The following RBFOX1 variants were observed in gnomAD, a reference collection of about 807,000 sequenced individuals.
The protein encoded by RBFOX1 is RNA binding protein fox-1 homolog 1.
In RBFOX1, 8 loss-of-function variants were observed where a neutral mutation model predicts 57.7. That is an observed-to-expected ratio of 0.14 (90% confidence interval 0.08 to 0.25). The LOEUF (loss-of-function observed/expected upper bound fraction) is 0.25, where lower values mean the gene tolerates loss of function less well. Ranked by LOEUF, RBFOX1 falls within the 10% of genes least tolerant of loss-of-function variation. RBFOX1 has a pLI of 1.00. For synonymous variants in RBFOX1, 326 were observed against 222.4 expected, an observed-to-expected ratio of 1.47 and a Z score of -4.15; for missense variants, 611 against 548.5, an observed-to-expected ratio of 1.11 and a Z score of -1.14.
chr16:6,919,843 G>C (rs1468751949), intron 3 of RBFOX1, among the ~76,000 whole-genome samples: 1 of 139,354 alleles, frequency 7.2e-6, no homozygotes, highest in East Asian at 2.2e-4. Context: ...AAATGGTTAA[G>C]TTGCTGAGTG....
At chr16:6,758,920 G>T (rs1277529301) in intron 3 of RBFOX1, among the ~76,000 whole-genome samples, 1 of 152,040 alleles carries the variant, frequency 6.6e-6, no homozygotes, top group African/African-American at 2.4e-5. Context: ...GGGAGTCGGG[G>T]GGGAAAGAGT....
At chr16:7,477,492 T>C (rs1305371333) in intron 4 of RBFOX1, among the ~76,000 whole-genome samples, 1 of 152,102 alleles carries the variant, frequency 6.6e-6, no homozygotes, top group Non-Finnish European at 1.5e-5. Flanking sequence ...ATTCCTTGCC[T>C]CTCCCTTCTG....
chr16:6,705,476 G>C (rs2062573489), intron 3 of RBFOX1: 1 of 152,154 alleles, frequency 6.6e-6, no homozygotes. Flanking sequence ...CGTCAGTTTA[G>C]AGGTCCTGGA....
intron 2 of RBFOX1, among the ~76,000 whole-genome samples, chr16:6,608,180 T>C (rs1003682104): frequency 1.3e-5 from 2 of 152,220 alleles, no homozygotes; most frequent in African/African-American, 4.8e-5. Context: ...CTATTTTGAG[T>C]CTGTATCCTT....
chr16:5,909,182 T>A (rs1214007132), intron 4 of RBFOX1, among the ~76,000 whole-genome samples: 1 of 137,266 alleles, frequency 7.3e-6, no homozygotes, highest in East Asian at 2.4e-4. Flanking sequence ...AAGCTCCGCC[T>A]CCCGGGTTCA....
intron 2 of RBFOX1, among the ~76,000 whole-genome samples, chr16:5,469,900 G>C (rs186587133): frequency 2.4e-4 from 37 of 152,266 alleles, no homozygotes; most frequent in African/African-American, 8.7e-4. Context: ...TTCATCTAGG[G>C]GTGGAAATTT....
chr16:5,621,569 G>C (rs573885010), intron 3 of RBFOX1, among the ~76,000 whole-genome samples: 7 of 152,136 alleles, frequency 4.6e-5, no homozygotes, highest in Admixed American at 6.5e-5. Context: ...TGGGATGTAG[G>C]CATCAGCGGG....
chr16:6,961,708 C>G (rs914733936), intron 3 of RBFOX1, among the ~76,000 whole-genome samples: 6 of 152,268 alleles, frequency 3.9e-5, no homozygotes, highest in Middle Eastern at 3.4e-3. Flanking sequence ...AGGTTCCTTC[C>G]TCACCTTTAG....
intron 5 of RBFOX1, among the ~76,000 whole-genome samples, chr16:7,553,302 A>AC (rs1601659996): frequency 6.6e-6 from 1 of 151,586 alleles, no homozygotes; most frequent in South Asian, 2.1e-4. Context: ...CCACCACCAC[A>AC]CCCCCTAATT....
chr16:6,745,137 T>C (rs997959117), intron 3 of RBFOX1, among the ~76,000 whole-genome samples: 24 of 151,984 alleles, frequency 1.6e-4, no homozygotes, highest in African/African-American at 3.1e-4. Context: ...AAAGAAGAAA[T>C]AGATCATCTG....
chr16:6,630,045 G>GA (rs2098364647), intron 2 of RBFOX1, among the ~76,000 whole-genome samples: 2 of 150,266 alleles, frequency 1.3e-5, no homozygotes, highest in Admixed American at 1.3e-4. Context: ...TCATCTGCCT[G>GA]AAAAATCCTG....
At chr16:7,408,887 T>A (rs940766735) in intron 4 of RBFOX1, among the ~76,000 whole-genome samples, 3 of 152,090 alleles carry the variant, frequency 2.0e-5, no homozygotes, top group Admixed American at 1.3e-4. Context: ...TAAGAACCAT[T>A]GTTCTAGAGG....
chr16:5,557,719 G>T (rs1239716826), intron 2 of RBFOX1, among the ~76,000 whole-genome samples: 2 of 152,220 alleles, frequency 1.3e-5, no homozygotes, highest in Non-Finnish European at 2.9e-5. Flanking sequence ...CTACTTGGTA[G>T]AAGAGGGTGG....
At chr16:6,437,072 C>G (rs2094256068) in intron 2 of RBFOX1, among the ~76,000 whole-genome samples, 1 of 152,112 alleles carries the variant, frequency 6.6e-6, no homozygotes, top group Admixed American at 6.5e-5. Flanking sequence ...TTTCAAGGTT[C>G]TTCATCTGGA....
chr16:6,689,511 T>G (rs947299842), intron 3 of RBFOX1, among the ~76,000 whole-genome samples: 2 of 152,224 alleles, frequency 1.3e-5, no homozygotes, highest in African/African-American at 4.8e-5. Flanking sequence ...GCACAAATTT[T>G]TTTTATGTTT....
intron 6 of RBFOX1, among the ~76,000 whole-genome samples, chr16:7,585,979 A>C (rs959201124): frequency 1.3e-5 from 2 of 152,040 alleles, no homozygotes; most frequent in Admixed American, 1.3e-4. Flanking sequence ...CTCTCCACTC[A>C]AGGGAGAGAT....
chr16:7,576,577 C>T (rs2093356519), intron 5 of RBFOX1, among the ~76,000 whole-genome samples: 1 of 152,156 alleles, frequency 6.6e-6, no homozygotes, highest in Non-Finnish European at 1.5e-5. Context: ...TATAAGCATA[C>T]ACTACAAAAT....
At position 6,926,455 on chromosome 16, in the gene RBFOX1, G is replaced by C. The variant is rs143327025; in HGVS notation, c.-15-125602G>C. Among the ~76,000 whole-genome samples, 884 of 152,322 alleles carry C rather than the reference G, an allele frequency of 5.8e-3. 9 individuals carry two copies. The highest frequency in any genetic ancestry group is 0.036 in the South Asian group (175 of 4,830). On this transcript the variant is annotated intron_variant, in intron 3 of 15. Transcript: ENST00000550418. ...TCCCCTGCCTCCTGATCGGTGTTCA[G>C]ATGTAGATAGTAGGTTCAGTGGGTT... is the stretch of plus-strand genomic sequence containing the variant.
intron 3 of RBFOX1, among the ~76,000 whole-genome samples, chr16:6,710,747 T>G (rs77957521): frequency 0.016 from 2,431 of 152,312 alleles, 82 homozygotes; most frequent in African/African-American, 0.055. Context: ...GGCAGGAAAA[T>G]GGCCCTTGGC....
Sources: gnomAD v4.1 joint callset for allele counts (sites outside exome capture counted in the v4.1 genomes callset) on GRCh38, gnomAD v4.1.1 for gene constraint, MANE v1.5 for transcripts, NCBI Gene and HGNC (gene_info 2026-07-23, HGNC 2026-07-21) for gene names.